PCDHGA9: variants seen among roughly 807,000 people sequenced by gnomAD.
The protein encoded by PCDHGA9 is protocadherin gamma subfamily A, 9.
In PCDHGA9, 37 loss-of-function variants were observed where a neutral mutation model predicts 62.5. That is an observed-to-expected ratio of 0.59 (90% CI 0.46 to 0.78). The LOEUF is 0.78. Ranked by LOEUF, PCDHGA9 falls within the 30% of genes least tolerant of loss-of-function variation. The pLI, the probability that PCDHGA9 is intolerant of heterozygous loss-of-function variation, is 0.00. For missense variants in PCDHGA9, 1,138 were observed against 1,166.2 expected (o/e 0.98, Z 0.35); for synonymous variants, 459 against 484.6 (o/e 0.95, Z 0.69).
chr5:141,494,197 C>T (rs73794924), intron 1 of PCDHGA9, among the ~76,000 whole-genome samples: 1,654 of 152,242 alleles, frequency 0.011, 27 homozygotes, highest in African/African-American at 0.037. Flanking sequence ...CTTGGATGCC[C>T]CGCAAAGGCC....
At position 141,493,512 on chromosome 5, in the gene PCDHGA9, C is replaced by A. The variant is rs1327850681; in HGVS notation, c.2425-1295C>A. The stretch of plus-strand genomic sequence containing the variant: ...CTGTGGCTCCTCATTTCTGAGCAGT[C>A]CCCGCAGCGCAAACTTGGCCAGTTA... On this transcript the variant is annotated intron_variant, in intron 1 of 3. Transcript: ENST00000573521. The surrounding 1 kb of genome is among the most constrained non-coding windows in gnomAD (Gnocchi z 4.3). Among the ~76,000 whole-genome samples the A allele has an allele frequency of 1.3e-5, 2 of 152,148 alleles. No individual in the cohort carries two copies. Among genetic ancestry groups the A allele is most frequent in the South Asian group, 4.1e-4 (2 of 4,824 alleles).
rs777566456 is a variant in PCDHGA9, at chr5:141,405,216, A to G, written c.2264A>G (p.Gln755Arg). Residue 755 changes from glutamine to arginine, a missense_variant, in exon 1 of 4, where the codon CAG becomes CGG. Coordinates refer to ENST00000573521, the MANE Select transcript of PCDHGA9 (RefSeq NM_018921.3). ...GVRAFLQTYS[Q>R]EFSLTADSRK... ...CGAGCTTTCCTACAGACCTATTCTCAGGAGTTCTCCCTCACCGCTGACTCA... is the reference window on the plus strand; with the variant it reads ...CGAGCTTTCCTACAGACCTATTCTCGGGAGTTCTCCCTCACCGCTGACTCA... 27 of 1,613,806 alleles carry G rather than the reference A, an allele frequency of 1.7e-5. No individual in the cohort carries two copies. In the Admixed American group the frequency reaches 2.7e-4, roughly 16 times the overall value.
intron 1 of PCDHGA9, chr5:141,420,339 T>C: frequency 7.2e-7 from 1 of 1,395,458 alleles, no homozygotes; most frequent in Non-Finnish European, 9.6e-7. Context: ...TCCAATATAG[T>C]GGTATTATTT....
intron 1 of PCDHGA9, among the ~76,000 whole-genome samples, chr5:141,433,995 CT>C (rs2097669147): frequency 2.6e-5 from 4 of 152,028 alleles, no homozygotes; most frequent in Admixed American, 2.0e-4. Flanking sequence ...GTTTTATATT[CT>C]CTATATATGT....
rs2094597771 is a variant in PCDHGA9, at chr5:141,405,019, T to C, written c.2067T>C (p.Leu689=). Residue 689 remains leucine (L), a synonymous_variant, in exon 1 of 4, where the codon CTT becomes CTC. Coordinates refer to ENST00000573521, the MANE Select transcript of PCDHGA9 (RefSeq NM_018921.3). The part of the protein sequence containing the change: ...QIPADLEASD[L]TLYLVVAVAV... ...CTGCAGACCTGGAGGCCTCAGACCT[T>C]ACCCTCTACCTCGTTGTGGCTGTGG... The C allele has an allele frequency of 6.2e-7, 1 of 1,613,860 alleles. No homozygotes were observed. The highest frequency in any genetic ancestry group is 1.3e-5 in the African/African-American group (1 of 74,932).
chr5:141,409,945 T>C (rs777813706), intron 1 of PCDHGA9: 11 of 1,613,312 alleles, frequency 6.8e-6, no homozygotes, highest in Non-Finnish European at 9.3e-6. Flanking sequence ...TACCTCGCTC[T>C]GCAGAGCCCG....
chr5:141,498,807 C>T (rs113587634), intron 2 of PCDHGA9, among the ~76,000 whole-genome samples: 5,552 of 152,138 alleles, frequency 0.036, 136 homozygotes, highest in South Asian at 0.073. Context: ...GTGGTGCACA[C>T]CTGTAGTCCC....
At chr5:141,414,081 T>C (rs748527220) in intron 1 of PCDHGA9, 1 of 1,601,774 alleles carries the variant, frequency 6.2e-7, no homozygotes, top group South Asian at 1.1e-5. Flanking sequence ...ACAAATATAC[T>C]GGAGAAATAA....
intron 1 of PCDHGA9, among the ~76,000 whole-genome samples, chr5:141,450,082 C>T (rs2098668421): frequency 6.8e-6 from 1 of 147,384 alleles, no homozygotes. Context: ...TCTTGGCTCA[C>T]TGCAACCTCC....
chr5:141,442,298 G>A (rs934210433), intron 1 of PCDHGA9: 2 of 152,564 alleles, frequency 1.3e-5, no homozygotes, highest in African/African-American at 4.8e-5. Flanking sequence ...TCCTGTCTGA[G>A]TCTTTCCCAC....
At chr5:141,453,922 T>C (rs2098777315) in intron 1 of PCDHGA9, among the ~76,000 whole-genome samples, 1 of 152,230 alleles carries the variant, frequency 6.6e-6, no homozygotes, top group African/African-American at 2.4e-5. Context: ...CAGTGATCAG[T>C]CACTGTGTGC....
intron 1 of PCDHGA9, among the ~76,000 whole-genome samples, chr5:141,483,689 G>A (rs1234666254): frequency 6.6e-6 from 1 of 152,022 alleles, no homozygotes; most frequent in Non-Finnish European, 1.5e-5. Flanking sequence ...CAGAAAGCCA[G>A]ATTCCTCTTT....
In PCDHGA9 at chr5:141,487,470, G is replaced by C; in HGVS notation, c.2425-7337G>C. ...GACCCTATCAAGTTTGTTGATGTGG[G>C]AGGCCACTCTCATGGCTGTACACCC... On this transcript the variant is annotated intron_variant, in intron 1 of 3. Coordinates refer to ENST00000573521, the MANE Select transcript of PCDHGA9 (RefSeq NM_018921.3). The surrounding 1 kb of genome is among the most constrained non-coding windows in gnomAD (Gnocchi z 5.0). The C allele has an allele frequency of 1.9e-6, 3 of 1,614,162 alleles. No individual in the cohort carries two copies. Among genetic ancestry groups the C allele is most frequent in the South Asian group, 1.1e-5 (1 of 91,084 alleles).
chr5:141,491,508 G>T lies in PCDHGA9; in HGVS notation c.2425-3299G>T. 1 of 1,614,030 alleles carries T rather than the reference G, an allele frequency of 6.2e-7. No homozygotes were observed. Among genetic ancestry groups the T allele is most frequent in the Non-Finnish European group, 8.5e-7 (1 of 1,180,014 alleles). ...ACCTGCAGGTGAGCTCGGACGGCACGCTCAAGTACATGGAGGTGACGCTGC... is the reference window on the plus strand; with the variant it reads ...ACCTGCAGGTGAGCTCGGACGGCACTCTCAAGTACATGGAGGTGACGCTGC... On this transcript the variant is annotated intron_variant, in intron 1 of 3. Transcript: ENST00000573521. The surrounding 1 kb of genome is among the most constrained non-coding windows in gnomAD (Gnocchi z 6.9).
chr5:141,404,694 C>A lies in PCDHGA9; in HGVS notation c.1742C>A (p.Ser581Tyr). The change falls in exon 1 of 4, where the codon TCT (serine) becomes TAT (tyrosine). Residue 581 changes from serine (S) to tyrosine (Y), a missense_variant. Coordinates refer to ENST00000573521, the MANE Select transcript of PCDHGA9 (RefSeq NM_018921.3). ...GSTGVELAPR[S>Y]AEPGYLVTKV... ...ACTGGTGTGGAGCTGGCACCCCGCTCTGCAGAGCCTGGCTACCTGGTGACC... is the reference window on the plus strand; with the variant it reads ...ACTGGTGTGGAGCTGGCACCCCGCTATGCAGAGCCTGGCTACCTGGTGACC... 5 of 1,614,116 alleles carry A rather than the reference C, an allele frequency of 3.1e-6. No homozygotes were observed. Among genetic ancestry groups the A allele is most frequent in the Non-Finnish European group, 4.2e-6 (5 of 1,179,990 alleles).
chr5:141,459,284 A>C (rs2098965103), intron 1 of PCDHGA9, among the ~76,000 whole-genome samples: 1 of 152,174 alleles, frequency 6.6e-6, no homozygotes, highest in African/African-American at 2.4e-5. Flanking sequence ...ATTTCATCTA[A>C]ATGGAATCCT....
chr5:141,441,327 C>T (rs973149197), intron 1 of PCDHGA9: 2 of 152,196 alleles, frequency 1.3e-5, no homozygotes, highest in Admixed American at 6.5e-5. Flanking sequence ...AAAAATCTTC[C>T]TCCAATAATT....
At chr5:141,466,348 G>A (rs2099120992) in intron 1 of PCDHGA9, among the ~76,000 whole-genome samples, 2 of 151,876 alleles carry the variant, frequency 1.3e-5, no homozygotes, top group Admixed American at 6.6e-5. Context: ...TTTTTTTGCA[G>A]CTAATCTAGA....
At position 141,490,132 on chromosome 5, in the gene PCDHGA9, A is replaced by C. The variant is rs1245562757; in HGVS notation, c.2425-4675A>C. On this transcript the variant is annotated intron_variant, in intron 1 of 3. Coordinates refer to ENST00000573521, the MANE Select transcript of PCDHGA9 (RefSeq NM_018921.3). This position sits in a 1 kb window ranked among gnomAD's most constrained non-coding sequence, Gnocchi z 5.4. ...GCGGAACCTCTTTGGCCTAGACCCT[A>C]GCAGTGGGGCAATCCATGTGTTGGG... 6.2e-7 allele frequency: 1 copy of C among 1,614,220 alleles called. No individual in the cohort carries two copies. Among genetic ancestry groups the C allele is most frequent in the South Asian group, 1.1e-5 (1 of 91,088 alleles).
Sources: allele counts gnomAD v4.1 joint callset (sites outside exome capture counted in the v4.1 genomes callset), GRCh38; gene constraint gnomAD v4.1.1; non-coding constraint Gnocchi (gnomAD v3.1); transcripts MANE v1.5; gene names NCBI Gene and HGNC (gene_info 2026-07-23, HGNC 2026-07-21).